Variants in TMEM68 observed in about 807,000 individuals in gnomAD.
The protein encoded by TMEM68 is DGAT1/2-independent enzyme synthesizing storage lipids.
TMEM68 carries 25 observed loss-of-function variants against 36.9 expected under a neutral mutation model. That is an observed-to-expected ratio of 0.68 (90% CI 0.49 to 0.95). The LOEUF is 0.95. Among genes scored for constraint, TMEM68 ranks in the 40% least tolerant of loss-of-function variants. The pLI is 0.00. For missense variants in TMEM68, 333 were observed against 392.0 expected, an observed-to-expected ratio of 0.85 and a Z score of 1.27; for synonymous variants, 131 against 124.4, an observed-to-expected ratio of 1.05 and a Z score of -0.35.
chr8:55,764,085 A>G (rs2130017783), intron 1 of TMEM68, 105 bp from the exon 2 acceptor site: 1 of 152,332 alleles, frequency 6.6e-6, no homozygotes, highest in Non-Finnish European at 1.5e-5. Context: ...AGCAAGAGAC[A>G]TTCATAAATG....
intron 7 of TMEM68, among the ~76,000 whole-genome samples, chr8:55,742,805 GT>G (rs201440317): frequency 0.014 from 1,985 of 142,892 alleles, 45 homozygotes; most frequent in African/African-American, 0.044. Context: ...CATTTGTAGG[GT>G]TTTTTTTTTT....
chr8:55,743,893 A>C (rs1237710009), intron 6 of TMEM68, among the ~76,000 whole-genome samples: 1 of 152,114 alleles, frequency 6.6e-6, no homozygotes, highest in Non-Finnish European at 1.5e-5. Flanking sequence ...AATGCCCCCC[A>C]AAAAAGTTTA....
chr8:55,748,014 T>C (rs946767192), intron 5 of TMEM68: 1 of 152,156 alleles, frequency 6.6e-6, no homozygotes, highest in Non-Finnish European at 1.5e-5. Flanking sequence ...AAGCTGGACA[T>C]TTCTAGGGCC....
Position 55,773,367 on chromosome 8 carries a change from C to T in TMEM68, c.-213G>A. The T allele has an allele frequency of 2.5e-6, 1 of 404,662 alleles. No individual in the cohort carries two copies. Among genetic ancestry groups the T allele is most frequent in the Non-Finnish European group, 4.4e-6 (1 of 225,968 alleles). The allele number at this position is 404,662 out of a possible 1,614,324, so 25.1% of individuals were successfully genotyped here. A position where few individuals can be genotyped will look rare whatever the true frequency, so the allele number is the denominator to read the frequency against. The stretch of plus-strand genomic sequence containing the variant: ...CCGAAGCAACCCGTGTGAAAGAAGC[C>T]AAGCGGCGGCTGCAGCCCGGGCCGC... On this transcript the variant is annotated 5_prime_UTR_variant, in exon 1 of 8. Coordinates refer to ENST00000434581, the MANE Select transcript of TMEM68 (RefSeq NM_001286657.2).
intron 7 of TMEM68, 48 bp downstream of exon 7, chr8:55,743,433 T>C (rs753852211): frequency 6.4e-5 from 95 of 1,494,996 alleles, no homozygotes; most frequent in East Asian, 9.8e-5. Flanking sequence ...AATATAATAA[T>C]TGAAAATAAA....
intron 5 of TMEM68, 173 bp downstream of exon 5, chr8:55,750,791 G>T (rs984304246): frequency 1.4e-5 from 8 of 575,110 alleles, no homozygotes; most frequent in African/African-American, 1.3e-4. Context: ...ATCCACCTCG[G>T]CCTCCCAAAG....
intron 1 of TMEM68, among the ~76,000 whole-genome samples, chr8:55,765,675 C>T (rs942790490): frequency 6.6e-6 from 1 of 152,100 alleles, no homozygotes; most frequent in Non-Finnish European, 1.5e-5. Context: ...TGAAAAAAAC[C>T]TTTTTGAGCC....
rs1810847372 is a variant in TMEM68, at chr8:55,762,981, A to C, written c.-22T>G. On this transcript the variant is annotated 5_prime_UTR_variant, in exon 3 of 8. Coordinates refer to ENST00000434581, the MANE Select transcript of TMEM68 (RefSeq NM_001286657.2). ...TCATTTTTCTTCAGGTGAAAATGAC[A>C]AATTCAGTTTCTTTCTTCATTGCCA... is the stretch of plus-strand genomic sequence containing the variant. 6.4e-7 allele frequency: 1 copy of C among 1,560,238 alleles called. No individual in the cohort carries two copies. The highest frequency in any genetic ancestry group is 1.4e-5 in the African/African-American group (1 of 72,682).
chr8:55,769,151 C>T (rs1213289785), intron 1 of TMEM68, among the ~76,000 whole-genome samples: 4 of 150,832 alleles, frequency 2.7e-5, no homozygotes, highest in African/African-American at 9.7e-5. Context: ...ATGGTAATGC[C>T]GTCTCTACTA....
intron 5 of TMEM68, among the ~76,000 whole-genome samples, chr8:55,748,581 G>A (rs1172014457): frequency 1.3e-5 from 2 of 151,908 alleles, no homozygotes; most frequent in Admixed American, 6.6e-5. Context: ...GAGGAAGGGG[G>A]GGAGAGAGAG....
At chr8:55,756,127 C>T (rs1196069570) in intron 4 of TMEM68, 117 bp downstream of exon 4, 1 of 752,092 alleles carries the variant, frequency 1.3e-6, no homozygotes, top group Middle Eastern at 3.1e-4. Flanking sequence ...GTTATACACA[C>T]CCTAAAAGGC....
intron 5 of TMEM68, chr8:55,747,766 T>C (rs1361269317): frequency 1.3e-5 from 2 of 152,196 alleles, no homozygotes; most frequent in Non-Finnish European, 2.9e-5. Context: ...AAATAAAATA[T>C]TAGTATGGCT....
chr8:55,769,892 CA>C (rs1459417369), intron 1 of TMEM68, among the ~76,000 whole-genome samples: 2 of 152,180 alleles, frequency 1.3e-5, no homozygotes, highest in Non-Finnish European at 2.9e-5. Flanking sequence ...CTCCACCTTC[CA>C]AAGTGCTCGG....
In TMEM68 at chr8:55,769,018, T is replaced by TAAAAAAAAAAAAAA. The variant is rs200493179; in HGVS notation, c.-115+4237_-115+4250dup. On this transcript the variant is annotated intron_variant, in intron 1 of 7. Coordinates refer to ENST00000434581, the MANE Select transcript of TMEM68 (RefSeq NM_001286657.2). ...GTGAAAGAGCAAGAGACTCTGTCTT[T>TAAAAAAAAAAAAAA]AAAAAAAAAAAAAAAAAAAAAAAGG... 3.4e-3 allele frequency among the ~76,000 whole-genome samples: 283 copies of TAAAAAAAAAAAAAA among 82,052 alleles called. 8 individuals carry two copies. Among genetic ancestry groups the TAAAAAAAAAAAAAA allele is most frequent in the African/African-American group, 0.013 (264 of 20,102 alleles). The allele number at this position is 82,052 out of a possible 152,430, so 53.8% of individuals were successfully genotyped here. A position where few individuals can be genotyped will look rare whatever the true frequency, so the allele number is the denominator to read the frequency against.
intron 3 of TMEM68, among the ~76,000 whole-genome samples, chr8:55,759,648 GTAAAA>G (rs1263767851): frequency 1.3e-5 from 2 of 151,984 alleles, no homozygotes; most frequent in Admixed American, 6.6e-5. Flanking sequence ...GTGACTGAAT[GTAAAA>G]TAAAATACCA....
At chr8:55,748,189 G>A (rs1359446540) in intron 5 of TMEM68, 2 of 152,242 alleles carry the variant, frequency 1.3e-5, no homozygotes, top group African/African-American at 2.4e-5. Context: ...TATTTAAGGT[G>A]GAGTCTTGCT....
At chr8:55,744,952 A>G (rs2129914919) in intron 6 of TMEM68, 109 bp downstream of exon 6, 1 of 615,146 alleles carries the variant, frequency 1.6e-6, no homozygotes. Flanking sequence ...TCTAAATAGT[A>G]TATCCATTTT....
chr8:55,750,647 C>CTCCTCCCTCAGCCTCCCGAG (rs1810402844), intron 5 of TMEM68, among the ~76,000 whole-genome samples: 1 of 148,720 alleles, frequency 6.7e-6, no homozygotes, highest in African/African-American at 2.5e-5. Flanking sequence ...TCAAGCAATT[C>CTCCTCCCTCAGCCTCCCGAG]TCCTCCCTCA....
Position 55,739,489 on chromosome 8 carries a change from CAT to C in TMEM68, c.*641_*642del, listed in dbSNP as rs16738. On this transcript the variant is annotated 3_prime_UTR_variant, in exon 8 of 8. Coordinates refer to ENST00000434581, the MANE Select transcript of TMEM68 (RefSeq NM_001286657.2). ...CATTGTGCTTGGCAACTGGACATGA[CAT>C]AATTTAAACACACAATGGAGAAAAT... 0.69 allele frequency: 105,791 copies of C among 152,308 alleles called. 36,845 individuals carry two copies. Among genetic ancestry groups the C allele is most frequent in the African/African-American group, 0.74 (30,523 of 41,418 alleles). The allele number at this position is 152,308 out of a possible 1,614,324, so 9.4% of individuals were successfully genotyped here.
Sources: allele counts gnomAD v4.1 joint callset (sites outside exome capture counted in the v4.1 genomes callset), GRCh38; gene constraint gnomAD v4.1.1; transcripts MANE v1.5; gene names NCBI Gene and HGNC (gene_info 2026-07-23, HGNC 2026-07-21).